Variants in MYO18B observed in about 807,000 individuals in gnomAD.
MYO18B encodes the protein unconventional myosin-XVIIIb.
In MYO18B, 204 loss-of-function variants were observed where a neutral mutation model predicts 273.0. The ratio of observed to expected loss-of-function variants is 0.75; its 90% CI spans 0.67 to 0.84. The LOEUF is 0.84. MYO18B is among the 40% of genes least tolerant of loss of function. MYO18B has a pLI of 0.00. For missense variants in MYO18B, 3,212 were observed against 3,287.6 expected, an observed-to-expected ratio of 0.98 and a Z score of 0.56; for synonymous variants, 1,330 against 1,305.7, an observed-to-expected ratio of 1.02 and a Z score of -0.40.
intron 1 of MYO18B, among the ~76,000 whole-genome samples, chr22:25,747,313 C>G (rs133858): frequency 0.43 from 64,936 of 152,094 alleles, 17,087 homozygotes; most frequent in African/African-American, 0.75. Context: ...TATACCCGTG[C>G]CAGACATTGC....
chr22:25,920,181 G>A (rs182913273), intron 33 of MYO18B, among the ~76,000 whole-genome samples: 1 of 152,124 alleles, frequency 6.6e-6, no homozygotes, highest in East Asian at 1.9e-4. Context: ...AGATTTCCAG[G>A]TGTGTAAAAA....
intron 39 of MYO18B, among the ~76,000 whole-genome samples, chr22:25,979,896 CCCAT>C (rs2093131828): frequency 6.6e-6 from 1 of 152,082 alleles, no homozygotes; most frequent in South Asian, 2.1e-4. Context: ...TCCACTCCTC[CCCAT>C]CCATCAGGGA....
At position 25,908,315 on chromosome 22, in the gene MYO18B, C is replaced by G; in HGVS notation, c.5149-7C>G. The G allele has an allele frequency of 6.4e-7, 1 of 1,568,200 alleles. No homozygotes were observed. The highest frequency in any genetic ancestry group is 8.6e-7 in the Non-Finnish European group (1 of 1,156,718). On this transcript the variant is annotated splice_region_variant and splice_polypyrimidine_tract_variant and intron_variant, in intron 31 of 43. Coordinates refer to ENST00000335473, the MANE Select transcript of MYO18B (RefSeq NM_032608.7). The stretch of plus-strand genomic sequence containing the variant: ...ACCCTCACGTGCTGTCCTTGCTGCC[C>G]CCGCAGCTCCGCCAGCGGTTTGAGC...
In MYO18B at chr22:25,895,239, C is replaced by T; in HGVS notation, c.4627C>T (p.Leu1543=). The T allele has an allele frequency of 1.2e-6, 2 of 1,607,774 alleles. No homozygotes were observed. The highest frequency in any genetic ancestry group is 1.7e-6 in the Non-Finnish European group (2 of 1,177,124). Residue 1543 remains leucine, a synonymous_variant, in exon 28 of 44, where the codon CTG becomes TTG. Transcript: ENST00000335473. The part of the protein sequence containing the change: ...RKRLQQCEER[L]DSELTARKEL... ...GCGTCTGCAGCAATGCGAGGAGAGG[C>T]TGGACTCGGAGCTGACAGCCAGGAA...
At chr22:25,780,297 A>G in intron 9 of MYO18B, 99 bp downstream of exon 9, 13 of 1,394,320 alleles carry the variant, frequency 9.3e-6, no homozygotes, top group Non-Finnish European at 1.3e-5. Flanking sequence ...GGACTCTAGG[A>G]TGTGTCTGAA....
chr22:26,017,025 TTTCCTTCCTTCC>T (rs59617056), intron 42 of MYO18B, among the ~76,000 whole-genome samples: 20,767 of 123,918 alleles, frequency 0.17, 2,526 homozygotes, highest in African/African-American at 0.33. Flanking sequence ...ATTAGGCTAA[TTTCCTTCCTTCC>T]TTCCTTCCTT....
Position 25,891,340 on chromosome 22 carries a change from G to A in MYO18B, c.4471G>A (p.Val1491Met). 4 of 1,582,148 alleles carry A rather than the reference G, an allele frequency of 2.5e-6. No individual in the cohort carries two copies. Among genetic ancestry groups the A allele is most frequent in the Non-Finnish European group, 2.6e-6 (3 of 1,163,794 alleles). The change falls in exon 27 of 44, where the codon GTG becomes ATG. Residue 1491 changes from valine to methionine, a missense_variant. Transcript: ENST00000335473. Reference protein sequence around the residue: ...HEQVQKKLGDVNKQLEEAQQK... With the variant: ...HEQVQKKLGDMNKQLEEAQQK... ...ACAAGTCCAGAAAAAACTGGGAGAT[G>A]TGAATAAACAGTTGGAAGAAGCCCA...
intron 39 of MYO18B, among the ~76,000 whole-genome samples, chr22:25,960,618 C>T (rs1185566537): frequency 2.0e-5 from 3 of 152,168 alleles, no homozygotes; most frequent in Admixed American, 6.5e-5. Context: ...CAACCTGTCT[C>T]CCTCTCGCTC....
At chr22:25,817,990 G>A (rs1601788945) in intron 12 of MYO18B, among the ~76,000 whole-genome samples, 1 of 152,138 alleles carries the variant, frequency 6.6e-6, no homozygotes, top group Non-Finnish European at 1.5e-5. Context: ...CAGGAACTGT[G>A]GGCCCATCTG....
At chr22:25,810,502 C>T (rs1260814856) in intron 12 of MYO18B, among the ~76,000 whole-genome samples, 6 of 144,156 alleles carry the variant, frequency 4.2e-5, no homozygotes, top group African/African-American at 1.6e-4. Context: ...GACGTGATCT[C>T]GGCTCACTGC....
chr22:25,938,976 C>T (rs1488198671), intron 34 of MYO18B, among the ~76,000 whole-genome samples: 1 of 152,142 alleles, frequency 6.6e-6, no homozygotes, highest in African/African-American at 2.4e-5. Context: ...CCACCATGCC[C>T]AGCTAATTTT....
intron 43 of MYO18B, among the ~76,000 whole-genome samples, chr22:26,029,449 G>A (rs986947301): frequency 3.3e-5 from 5 of 152,014 alleles, no homozygotes; most frequent in Non-Finnish European, 7.4e-5. Flanking sequence ...CTCAATTACC[G>A]AGTAAAGATC....
At chr22:25,937,107 T>A (rs2092588183) in intron 34 of MYO18B, among the ~76,000 whole-genome samples, 1 of 151,424 alleles carries the variant, frequency 6.6e-6, no homozygotes, top group South Asian at 2.1e-4. Context: ...TGAGACAGAA[T>A]CTTGCTCTGT....
At chr22:25,805,381 G>C (rs1164228056) in intron 12 of MYO18B, among the ~76,000 whole-genome samples, 1 of 152,198 alleles carries the variant, frequency 6.6e-6, no homozygotes, top group Non-Finnish European at 1.5e-5. Flanking sequence ...AAGGACAAAT[G>C]TTCCCTGTTT....
chr22:25,826,460 A>T lies in MYO18B; in HGVS notation c.2747A>T (p.Tyr916Phe). ...DCVEGMASGLYQELFAAVVSL... is the reference protein window; with the variant it reads ...DCVEGMASGLFQELFAAVVSL... ...GTGGAGGGGATGGCCTCGGGCCTGT[A>T]CCAGGAACTCTTTGCGGCTGTGGTC... is the stretch of plus-strand genomic sequence containing the variant. Residue 916 changes from tyrosine to phenylalanine, a missense_variant, in exon 14 of 44, where the codon TAC becomes TTC. Transcript: ENST00000335473. 6.2e-7 allele frequency: 1 copy of T among 1,613,822 alleles called. No homozygotes were observed. The highest frequency in any genetic ancestry group is 2.2e-5 in the East Asian group (1 of 44,882).
At chr22:25,899,087 C>A (rs1194094608) in intron 29 of MYO18B, 1 of 152,590 alleles carries the variant, frequency 6.6e-6, no homozygotes, top group Non-Finnish European at 1.5e-5. Context: ...CTGGCAGAGA[C>A]TGGGCCTTGT....
At chr22:25,817,343 C>G (rs568730096) in intron 12 of MYO18B, among the ~76,000 whole-genome samples, 41 of 148,168 alleles carry the variant, frequency 2.8e-4, no homozygotes, top group African/African-American at 1.0e-3. Flanking sequence ...TTTCTTTTCT[C>G]TCTTTCTTTC....
chr22:26,049,732 A>G, the MYO18B span, among the ~76,000 whole-genome samples: 7 of 152,204 alleles, frequency 4.6e-5, no homozygotes, highest in African/African-American at 1.7e-4. Context: ...CCGGGACTCC[A>G]GAGGCCTGAG....
rs1936623727 is a variant in MYO18B at position 26,030,686 on chromosome 22, A to T, written c.*256A>T. 2 of 372,248 alleles carry T rather than the reference A, an allele frequency of 5.4e-6. No homozygotes were observed. The highest frequency in any genetic ancestry group is 9.2e-5 in the Admixed American group (2 of 21,828). The allele number at this position is 372,248 out of a possible 1,614,324, so 23.1% of individuals were successfully genotyped here. ...GGCCTTGCTACCTGGGATTCCAGAGAGTTGATGGGGTGCAGATAGGGGTAG... is the reference window on the plus strand; with the variant it reads ...GGCCTTGCTACCTGGGATTCCAGAGTGTTGATGGGGTGCAGATAGGGGTAG... On this transcript the variant is annotated 3_prime_UTR_variant, in exon 44 of 44. Transcript: ENST00000335473.
Sources: allele counts gnomAD v4.1 joint callset (sites outside exome capture counted in the v4.1 genomes callset), GRCh38; gene constraint gnomAD v4.1.1; transcripts MANE v1.5; gene names NCBI Gene and HGNC (gene_info 2026-07-23, HGNC 2026-07-21).